SYT16: variants seen among roughly 807,000 people sequenced by gnomAD.
SYT16 encodes synaptotagmin 16, also known as synaptotagmin-16.
A neutral mutation model predicts 61.4 loss-of-function variants in SYT16; 42 were observed. That is an observed-to-expected ratio of 0.68 (90% CI 0.53 to 0.89). The LOEUF is 0.89. SYT16 is among the 40% of genes least tolerant of loss of function. SYT16 has a pLI of 0.00. For missense variants in SYT16, 804 were observed against 807.3 expected, an observed-to-expected ratio of 1.00 and a Z score of 0.05; for synonymous variants, 314 against 302.3, an observed-to-expected ratio of 1.04 and a Z score of -0.40.
intron 5 of SYT16, among the ~76,000 whole-genome samples, chr14:62,078,155 C>CTCTCTCTCTATATATATATA (rs766089633): frequency 4.4e-5 from 6 of 135,936 alleles, no homozygotes; most frequent in African/African-American, 1.7e-4. Flanking sequence ...CTCTCTCTCT[C>CTCTCTCTCTATATATATATA]TATATATATA....
chr14:61,963,675 C>A (rs2784503), intron 1 of SYT16, among the ~76,000 whole-genome samples: 1 of 152,018 alleles, frequency 6.6e-6, no homozygotes, highest in African/African-American at 2.4e-5. Context: ...GATGGTCTAC[C>A]TAAGATCAGA....
chr14:61,847,493 C>T (rs2046478823), intron 1 of SYT16, among the ~76,000 whole-genome samples: 1 of 152,128 alleles, frequency 6.6e-6, no homozygotes, highest in East Asian at 1.9e-4. Flanking sequence ...TTTTCTTTAT[C>T]TTTGACCTTT....
chr14:61,939,018 C>G (rs988563101), intron 1 of SYT16, among the ~76,000 whole-genome samples: 2 of 152,144 alleles, frequency 1.3e-5, no homozygotes, highest in African/African-American at 4.8e-5. Context: ...GCCTATAATC[C>G]CAGCTACTTG....
chr14:62,080,407 G>A lies in SYT16; in HGVS notation c.994-427G>A, dbSNP rs141345920. 4.4e-3 allele frequency among the ~76,000 whole-genome samples: 677 copies of A among 152,296 alleles called. 12 individuals carry two copies. Among genetic ancestry groups the A allele is most frequent in the African/African-American group, 0.015 (632 of 41,564 alleles). On this transcript the variant is annotated intron_variant, in intron 5 of 7. Coordinates refer to ENST00000683842, the MANE Select transcript of SYT16 (RefSeq NM_001367656.1). ...CCATCAAAATTCTTGTCTGTAGAAA[G>A]CTCTTGCCTGTGGAGAACAGGCTCA...
In SYT16 at chr14:62,035,838, G is replaced by A. The variant is rs192340832; in HGVS notation, c.524-33765G>A. Among the ~76,000 whole-genome samples the A allele has an allele frequency of 1.3e-3, 191 of 152,294 alleles. 2 individuals are homozygous for A. The highest frequency in any genetic ancestry group is 2.0e-3 in the Non-Finnish European group (134 of 68,014). ...AAGCACCCATTGTGCTGGTTATGGT[G>A]ATAGATGCTTTTCCATGTTAGATGC... On this transcript the variant is annotated intron_variant, in intron 3 of 7. Coordinates refer to ENST00000683842, the MANE Select transcript of SYT16 (RefSeq NM_001367656.1).
At chr14:62,064,334 G>GAAAAAAAAAAAAAAAAAA (rs781727444) in intron 3 of SYT16, among the ~76,000 whole-genome samples, 3 of 42,982 alleles carry the variant, frequency 7.0e-5, no homozygotes, top group Admixed American at 3.3e-4. Context: ...CTTTAAATTT[G>GAAAAAAAAAAAAAAAAAA]AAAAAAAAAA....
At chr14:61,990,610 A>G (rs1316718425) in intron 2 of SYT16, among the ~76,000 whole-genome samples, 1 of 152,156 alleles carries the variant, frequency 6.6e-6, no homozygotes, top group Non-Finnish European at 1.5e-5. Flanking sequence ...ATCCTTTGAA[A>G]ATCACACAGG....
At chr14:61,891,242 G>GCACA (rs34375502) in intron 1 of SYT16, among the ~76,000 whole-genome samples, 6,374 of 147,756 alleles carry the variant, frequency 0.043, 203 homozygotes, top group East Asian at 0.11. Context: ...ACACACACGC[G>GCACA]CACACACACA....
chr14:61,835,378 C>T (rs1346983395), intron 1 of SYT16, among the ~76,000 whole-genome samples: 1 of 151,080 alleles, frequency 6.6e-6, no homozygotes, highest in Non-Finnish European at 1.5e-5. Context: ...CCTGCTTCAG[C>T]CTCCCAAGTA....
At chr14:61,955,207 G>A (rs760953975) in intron 1 of SYT16, among the ~76,000 whole-genome samples, 4 of 152,020 alleles carry the variant, frequency 2.6e-5, no homozygotes, top group African/African-American at 7.2e-5. Context: ...AAATGATCAA[G>A]CCATCATCAC....
At chr14:62,095,114 T>C (rs1310309599) in intron 7 of SYT16, among the ~76,000 whole-genome samples, 1 of 152,066 alleles carries the variant, frequency 6.6e-6, no homozygotes, top group Admixed American at 6.6e-5. Context: ...ATGGTGGATA[T>C]CGTAGTAAAT....
chr14:62,029,740 C>G (rs17099401), intron 3 of SYT16, among the ~76,000 whole-genome samples: 9 of 151,512 alleles, frequency 5.9e-5, no homozygotes, highest in Admixed American at 4.6e-4. Context: ...ATAGTTCTGT[C>G]GCTCACCCTC....
intron 1 of SYT16, among the ~76,000 whole-genome samples, chr14:61,820,469 G>GTTC (rs2045578707): frequency 1.6e-5 from 1 of 61,082 alleles, no homozygotes; most frequent in African/African-American, 6.9e-5. Flanking sequence ...CCTCTTCAGA[G>GTTC]TTTTTTTTTT....
chr14:62,038,199 G>A (rs1274051554), intron 3 of SYT16, among the ~76,000 whole-genome samples: 1 of 151,644 alleles, frequency 6.6e-6, no homozygotes, highest in Non-Finnish European at 1.5e-5. Flanking sequence ...TGCTGCTAGA[G>A]TGTGGTATAT....
chr14:61,906,844 A>G (rs1362243610), intron 1 of SYT16, among the ~76,000 whole-genome samples: 1 of 143,204 alleles, frequency 7.0e-6, no homozygotes, highest in African/African-American at 2.7e-5. Context: ...TACTTGTACT[A>G]TCCGCCTATG....
chr14:61,860,623 G>T (rs1198035013), intron 1 of SYT16, among the ~76,000 whole-genome samples: 1 of 152,182 alleles, frequency 6.6e-6, no homozygotes, highest in Non-Finnish European at 1.5e-5. Flanking sequence ...GTCTATAATA[G>T]ATTGGAAATA....
rs577624017 is a variant in SYT16 at position 61,955,641 on chromosome 14, T to A, written c.-324-14491T>A. On this transcript the variant is annotated intron_variant, in intron 1 of 7. Coordinates refer to ENST00000683842, the MANE Select transcript of SYT16 (RefSeq NM_001367656.1). The stretch of plus-strand genomic sequence containing the variant: ...AGGATTTCTTTTTTTTAAGGCTGAA[T>A]AATATTTTATCTTATGTATATACCA... Among the ~76,000 whole-genome samples the A allele has an allele frequency of 2.0e-5, 3 of 152,232 alleles. No individual in the cohort carries two copies. The East Asian group carries it at 5.8e-4, about 29-fold the overall frequency.
chr14:62,096,858 A>G (rs1367477502), intron 7 of SYT16, among the ~76,000 whole-genome samples: 2 of 152,186 alleles, frequency 1.3e-5, no homozygotes, highest in African/African-American at 4.8e-5. Flanking sequence ...ACATGTGACA[A>G]ATTCTAAATA....
intron 1 of SYT16, among the ~76,000 whole-genome samples, chr14:61,826,099 C>T (rs1330004546): frequency 6.7e-6 from 1 of 150,150 alleles, no homozygotes; most frequent in East Asian, 1.9e-4. Flanking sequence ...CATTCTTCAA[C>T]TCACTTATTC....
Sources: gnomAD v4.1 joint callset for allele counts (sites outside exome capture counted in the v4.1 genomes callset) on GRCh38, gnomAD v4.1.1 for gene constraint, MANE v1.5 for transcripts, NCBI Gene and HGNC (gene_info 2026-07-23, HGNC 2026-07-21) for gene names.